FBXO4: variants seen among roughly 807,000 people sequenced by gnomAD.
FBXO4 encodes F-box only protein 4.
Under a neutral mutation model 43.7 loss-of-function variants are expected in FBXO4, and 36 were observed. The observed-to-expected ratio is 0.82, with a 90% confidence interval of 0.63 to 1.09. The LOEUF is 1.09. Ranked by LOEUF, FBXO4 falls within the 50% of genes least tolerant of loss-of-function variation. FBXO4 has a pLI of 0.00. For synonymous variants in FBXO4, 180 were observed against 165.6 expected, an observed-to-expected ratio of 1.09 and a Z score of -0.67; for missense variants, 435 against 474.1, an observed-to-expected ratio of 0.92 and a Z score of 0.77.
chr5:41,964,042 G>A, the FBXO4 span: 15 of 152,158 alleles, frequency 9.9e-5, no homozygotes, highest in Non-Finnish European at 2.1e-4. Flanking sequence ...AATTGATTTT[G>A]AGTGATGGCA....
intron 1 of FBXO4, among the ~76,000 whole-genome samples, chr5:41,926,716 G>GA (rs1751515859): frequency 6.6e-6 from 1 of 152,190 alleles, no homozygotes; most frequent in African/African-American, 2.4e-5. Flanking sequence ...TATCTCTGAG[G>GA]AAAAATTAAA....
In FBXO4 at chr5:41,941,418, G is replaced by GT. The variant is rs1383631089; in HGVS notation, c.*143dup. 1 of 539,676 alleles carries GT rather than the reference G, an allele frequency of 1.9e-6. No homozygotes were observed. Among genetic ancestry groups the GT allele is most frequent in the Admixed American group, 3.0e-5 (1 of 33,774 alleles). 33.4% of individuals were successfully genotyped at this position (539,676 alleles called of 1,614,324 possible). On this transcript the variant is annotated 3_prime_UTR_variant, in exon 7 of 7. Coordinates refer to ENST00000281623, the MANE Select transcript of FBXO4 (RefSeq NM_012176.3). ...TCATTTGGACAGCTATAACTGCTGT[G>GT]TTTTTTATATTATTTTTACTCTTTA...
the FBXO4 span, among the ~76,000 whole-genome samples, chr5:42,007,878 C>T: frequency 3.3e-5 from 5 of 152,004 alleles, no homozygotes; most frequent in African/African-American, 7.2e-5. Flanking sequence ...AGTTAGTATT[C>T]GCATAGGAAA....
At chr5:41,952,944 G>T in the FBXO4 span, among the ~76,000 whole-genome samples, 13 of 151,336 alleles carry the variant, frequency 8.6e-5, no homozygotes, top group East Asian at 1.6e-3. Flanking sequence ...TATTCTATCA[G>T]TTTTTTTCTT....
At chr5:41,939,744 T>C in intron 6 of FBXO4, 128 bp downstream of exon 6, 2 of 690,822 alleles carry the variant, frequency 2.9e-6, no homozygotes, top group Non-Finnish European at 4.5e-6. Context: ...GCTTAATCTA[T>C]GGAAGCTATT....
the FBXO4 span, among the ~76,000 whole-genome samples, chr5:42,025,796 A>G: frequency 3.3e-5 from 5 of 151,864 alleles, no homozygotes; most frequent in Non-Finnish European, 7.4e-5. Context: ...TATTGAAGAG[A>G]CTGTCTTTTC....
At chr5:42,014,072 G>T in the FBXO4 span, among the ~76,000 whole-genome samples, 3 of 152,128 alleles carry the variant, frequency 2.0e-5, no homozygotes, top group African/African-American at 4.8e-5. Flanking sequence ...AAAGACAGAC[G>T]CTTGACTTGC....
chr5:41,976,982 G>C, the FBXO4 span, among the ~76,000 whole-genome samples: 11 of 152,198 alleles, frequency 7.2e-5, no homozygotes, highest in Non-Finnish European at 1.5e-4. Context: ...ATGGAAGCTA[G>C]TAAATCTTGT....
At chr5:41,936,105 C>G (rs1751842231) in intron 5 of FBXO4, among the ~76,000 whole-genome samples, 1 of 152,144 alleles carries the variant, frequency 6.6e-6, no homozygotes, top group African/African-American at 2.4e-5. Context: ...TATTGCTCTT[C>G]TACATAAAAC....
the FBXO4 span, among the ~76,000 whole-genome samples, chr5:42,006,609 G>A: frequency 6.6e-6 from 1 of 151,842 alleles, no homozygotes; most frequent in Non-Finnish European, 1.5e-5. Context: ...CAAGTAATGT[G>A]TAAATATGAA....
chr5:41,983,085 A>G, the FBXO4 span, among the ~76,000 whole-genome samples: 1 of 152,160 alleles, frequency 6.6e-6, no homozygotes, highest in African/African-American at 2.4e-5. Flanking sequence ...TCCATGGTGT[A>G]TATGTGCCTA....
At chr5:41,995,281 G>C in the FBXO4 span, among the ~76,000 whole-genome samples, 4 of 152,198 alleles carry the variant, frequency 2.6e-5, no homozygotes, top group Non-Finnish European at 4.4e-5. Flanking sequence ...TTGAATGCAG[G>C]ATAGGCAAAC....
At chr5:42,032,070 T>A in the FBXO4 span, among the ~76,000 whole-genome samples, 1 of 138,120 alleles carries the variant, frequency 7.2e-6, no homozygotes, top group Non-Finnish European at 1.5e-5. Context: ...TGTGTGTGTG[T>A]GTGTGTGTGT....
the FBXO4 span, among the ~76,000 whole-genome samples, chr5:42,023,607 C>T: frequency 1.3e-5 from 2 of 151,898 alleles, no homozygotes; most frequent in Non-Finnish European, 2.9e-5. Flanking sequence ...GCAGAAATAT[C>T]CATGGCCATT....
chr5:42,018,955 G>A, the FBXO4 span, among the ~76,000 whole-genome samples: 1 of 152,164 alleles, frequency 6.6e-6, no homozygotes, highest in Admixed American at 6.6e-5. Flanking sequence ...TTGTCATTCA[G>A]TGTGGTGAAC....
the FBXO4 span, among the ~76,000 whole-genome samples, chr5:42,009,479 CTT>C: frequency 6.6e-6 from 1 of 151,438 alleles, no homozygotes; most frequent in Non-Finnish European, 1.5e-5. Flanking sequence ...CTTTGGAAAA[CTT>C]TTCTACTTTT....
the FBXO4 span, among the ~76,000 whole-genome samples, chr5:41,984,835 C>T: frequency 6.6e-6 from 1 of 152,208 alleles, no homozygotes; most frequent in African/African-American, 2.4e-5. Flanking sequence ...TGCATGAAAA[C>T]TCCAGGGTTG....
chr5:42,033,535 T>C, the FBXO4 span, among the ~76,000 whole-genome samples: 5 of 152,096 alleles, frequency 3.3e-5, no homozygotes, highest in Non-Finnish European at 5.9e-5. Flanking sequence ...CTAATGCTCT[T>C]TCTCCCCTCG....
the FBXO4 span, among the ~76,000 whole-genome samples, chr5:41,952,887 C>G: frequency 1.3e-5 from 2 of 151,246 alleles, no homozygotes; most frequent in Non-Finnish European, 3.0e-5. Context: ...TTTTAGTTTC[C>G]CTTTCTCTGC....
Sources: gnomAD v4.1 joint callset for allele counts (sites outside exome capture counted in the v4.1 genomes callset) on GRCh38, gnomAD v4.1.1 for gene constraint, MANE v1.5 for transcripts, NCBI Gene and HGNC (gene_info 2026-07-23, HGNC 2026-07-21) for gene names.